The following SLC36A1 variants were observed in gnomAD, a reference collection of about 807,000 sequenced individuals.
SLC36A1 encodes the protein proton-coupled amino acid transporter 1.
In SLC36A1, 30 loss-of-function variants were observed where a neutral mutation model predicts 47.5. The ratio of observed to expected loss-of-function variants is 0.63; its 90% CI spans 0.47 to 0.86. The LOEUF (loss-of-function observed/expected upper bound fraction) is 0.86, where lower values mean the gene tolerates loss of function less well. Ranked by LOEUF, SLC36A1 falls within the 40% of genes least tolerant of loss-of-function variation. SLC36A1 has a pLI of 0.00. For missense variants in SLC36A1, 517 were observed against 606.0 expected (o/e 0.85, Z 1.54); for synonymous variants, 255 against 249.7 (o/e 1.02, Z -0.20).
At chr5:151,443,881 A>T (rs751156345), upstream of SLC36A1, among the ~76,000 whole-genome samples, 11 of 152,132 alleles carry the variant, frequency 7.2e-5, no homozygotes, top group Non-Finnish European at 1.5e-4. Context: ...ATTCTTTCTC[A>T]CATAAAAACC....
the SLC36A1 span, chr5:151,510,957 C>T: frequency 1.3e-5 from 2 of 152,640 alleles, no homozygotes; most frequent in South Asian, 2.1e-4. Context: ...GCAGGAGCCA[C>T]ATGCAGGGAT....
the SLC36A1 span, chr5:151,512,290 G>A: frequency 1.2e-6 from 2 of 1,614,242 alleles, no homozygotes; most frequent in Non-Finnish European, 8.5e-7. This position sits in a 1 kb window ranked among gnomAD's most constrained non-coding sequence, Gnocchi z 4.1. Flanking sequence ...CTTGCCAGGG[G>A]CCAGCAGATC....
At chr5:151,457,676 G>C (rs77145699) in intron 1 of SLC36A1, among the ~76,000 whole-genome samples, 3 of 152,110 alleles carry the variant, frequency 2.0e-5, no homozygotes, top group Non-Finnish European at 2.9e-5. Flanking sequence ...CAGCAAGAAA[G>C]GAGTCCCAGG....
chr5:151,345,923 A>G, the SLC36A1 span, among the ~76,000 whole-genome samples: 1 of 152,200 alleles, frequency 6.6e-6, no homozygotes, highest in East Asian at 1.9e-4. Flanking sequence ...GGAGGAGAGA[A>G]CTATCATTGA....
At chr5:151,380,994 G>A in the SLC36A1 span, 57 of 384,740 alleles carry the variant, frequency 1.5e-4, no homozygotes, top group Non-Finnish European at 2.7e-4. Flanking sequence ...TATAACAGAG[G>A]GGCCAGGCTG....
At chr5:151,405,746 T>C in the SLC36A1 span, among the ~76,000 whole-genome samples, 1 of 152,184 alleles carries the variant, frequency 6.6e-6, no homozygotes, top group East Asian at 1.9e-4. Context: ...TTTGTTTCTG[T>C]GTTCTTTTTT....
chr5:151,435,463 T>C (rs1177830007), upstream of SLC36A1, among the ~76,000 whole-genome samples: 1 of 152,138 alleles, frequency 6.6e-6, no homozygotes, highest in Non-Finnish European at 1.5e-5. Flanking sequence ...GAGGTAAATG[T>C]ATGGGTAAAT....
chr5:151,480,707 ACT>A (rs1408004456), intron 10 of SLC36A1, among the ~76,000 whole-genome samples: 1 of 152,126 alleles, frequency 6.6e-6, no homozygotes, highest in East Asian at 1.9e-4. Flanking sequence ...TGTGCCAGTA[ACT>A]CTCCATGCTT....
intron 10 of SLC36A1, among the ~76,000 whole-genome samples, chr5:151,486,954 A>C (rs537381478): frequency 1.3e-5 from 2 of 152,224 alleles, no homozygotes; most frequent in Non-Finnish European, 2.9e-5. Flanking sequence ...AGGCACCTGC[A>C]TAACCTCATT....
At chr5:151,534,333 C>T in the SLC36A1 span, 12 of 1,219,864 alleles carry the variant, frequency 9.8e-6, no homozygotes, top group Admixed American at 1.9e-4. Flanking sequence ...CCTAGAGAGA[C>T]ACAAAGGGGA....
chr5:151,537,510 AAT>A, the SLC36A1 span, among the ~76,000 whole-genome samples: 1 of 130,570 alleles, frequency 7.7e-6, no homozygotes, highest in Admixed American at 9.6e-5. Context: ...ATTTTAAAAG[AAT>A]AAAATAAATC....
At chr5:151,526,012 G>C in the SLC36A1 span, 1 of 1,583,834 alleles carries the variant, frequency 6.3e-7, no homozygotes, top group Admixed American at 1.7e-5. Flanking sequence ...ATGAGTCCCG[G>C]TCCTTCCTTT....
the SLC36A1 span, chr5:151,529,233 T>A: frequency 1.9e-5 from 31 of 1,613,888 alleles, no homozygotes; most frequent in East Asian, 6.7e-4. Context: ...GCTATATGGA[T>A]CTTGGGGGAA....
chr5:151,421,083 C>A, the SLC36A1 span, among the ~76,000 whole-genome samples: 82 of 151,630 alleles, frequency 5.4e-4, no homozygotes, highest in Admixed American at 5.4e-3. Flanking sequence ...CCGTGTTAGC[C>A]AGGATGGTCT....
chr5:151,403,326 G>A, the SLC36A1 span, among the ~76,000 whole-genome samples: 12 of 152,314 alleles, frequency 7.9e-5, no homozygotes, highest in African/African-American at 2.9e-4. Flanking sequence ...TCCCCCCAGT[G>A]TTGAATGTGG....
the SLC36A1 span, among the ~76,000 whole-genome samples, chr5:151,353,796 A>T: frequency 5.9e-5 from 9 of 152,202 alleles, no homozygotes; most frequent in African/African-American, 2.2e-4. Flanking sequence ...CCAGAATGTC[A>T]TACAGCTAGA....
At chr5:151,522,246 C>A in the SLC36A1 span, 1 of 580,178 alleles carries the variant, frequency 1.7e-6, no homozygotes, top group Non-Finnish European at 3.0e-6. Flanking sequence ...AACCTAACTC[C>A]AAAAGCACTG....
chr5:151,550,103 G>C, the SLC36A1 span, among the ~76,000 whole-genome samples: 40 of 152,258 alleles, frequency 2.6e-4, no homozygotes, highest in East Asian at 7.5e-3. Flanking sequence ...TAGAACTAGG[G>C]GGAAGCAAGT....
the SLC36A1 span, among the ~76,000 whole-genome samples, chr5:151,397,791 C>T: frequency 8.6e-6 from 1 of 115,800 alleles, no homozygotes; most frequent in East Asian, 2.6e-4. Context: ...AAAAAAAAGT[C>T]AAATTATCTG....
Sources: allele counts gnomAD v4.1 joint callset (sites outside exome capture counted in the v4.1 genomes callset), GRCh38; gene constraint gnomAD v4.1.1; non-coding constraint Gnocchi (gnomAD v3.1); transcripts MANE v1.5; gene names NCBI Gene and HGNC (gene_info 2026-07-23, HGNC 2026-07-21).